Variants in SGMS1 observed in about 807,000 individuals in gnomAD.
The protein encoded by SGMS1 is phosphatidylcholine:ceramide cholinephosphotransferase 1.
In SGMS1, 13 loss-of-function variants were observed where a neutral mutation model predicts 46.2. The ratio of observed to expected loss-of-function variants is 0.28; its 90% CI spans 0.18 to 0.45. The LOEUF (loss-of-function observed/expected upper bound fraction) is 0.45. SGMS1 is among the 20% of genes least tolerant of loss of function. The probability of loss-of-function intolerance (pLI) is 1.00; values close to 1 mark genes in which losing one functional copy is unlikely to be tolerated. For missense variants in SGMS1, 324 were observed against 519.9 expected, an observed-to-expected ratio of 0.62 and a Z score of 3.66; for synonymous variants, 203 against 187.8, an observed-to-expected ratio of 1.08 and a Z score of -0.66.
chr10:50,440,796 G>A (rs1429870635), intron 5 of SGMS1, among the ~76,000 whole-genome samples: 2 of 152,128 alleles, frequency 1.3e-5, no homozygotes, highest in East Asian at 3.9e-4. Flanking sequence ...GTTTGTTCTT[G>A]TAGAGGCAGG....
intron 1 of SGMS1, among the ~76,000 whole-genome samples, chr10:50,622,714 G>T (rs1838865389): frequency 6.6e-6 from 1 of 152,186 alleles, no homozygotes; most frequent in Non-Finnish European, 1.5e-5. Context: ...GATTCTCTTC[G>T]CTCCCTCCGG....
intron 3 of SGMS1, among the ~76,000 whole-genome samples, chr10:50,496,900 C>T (rs763524028): frequency 3.2e-4 from 49 of 152,202 alleles, no homozygotes; most frequent in African/African-American, 1.1e-3. Flanking sequence ...CCAAGTAGTC[C>T]TCCATGCATG....
intron 4 of SGMS1, among the ~76,000 whole-genome samples, chr10:50,463,462 A>G (rs561961642): frequency 5.0e-4 from 76 of 152,334 alleles, no homozygotes; most frequent in Non-Finnish European, 8.7e-4. Flanking sequence ...CAAAACCACA[A>G]TGAGATATCA....
At chr10:50,564,388 C>T (rs559411950) in intron 2 of SGMS1, among the ~76,000 whole-genome samples, 41 of 152,254 alleles carry the variant, frequency 2.7e-4, no homozygotes, top group African/African-American at 8.7e-4. Flanking sequence ...TTAAACTGCG[C>T]GACATTGTTT....
At chr10:50,457,750 C>T (rs1837210997) in intron 5 of SGMS1, among the ~76,000 whole-genome samples, 1 of 152,100 alleles carries the variant, frequency 6.6e-6, no homozygotes, top group African/African-American at 2.4e-5. Context: ...TGATTTCATT[C>T]TTTTTTATGG....
intron 6 of SGMS1, among the ~76,000 whole-genome samples, chr10:50,356,795 T>C (rs1056139102): frequency 2.6e-5 from 4 of 152,044 alleles, no homozygotes; most frequent in African/African-American, 9.7e-5. Flanking sequence ...GGAACCATCA[T>C]TCTCAGCAAA....
chr10:50,415,136 G>T (rs922551571), intron 6 of SGMS1, among the ~76,000 whole-genome samples: 1 of 152,164 alleles, frequency 6.6e-6, no homozygotes, highest in African/African-American at 2.4e-5. Flanking sequence ...ATAACAAAAC[G>T]AAATGTTCTG....
At chr10:50,604,373 A>G (rs1324011993) in intron 1 of SGMS1, among the ~76,000 whole-genome samples, 1 of 152,206 alleles carries the variant, frequency 6.6e-6, no homozygotes, top group Non-Finnish European at 1.5e-5. Context: ...AAGAAGAACT[A>G]TTAGGAAGAT....
intron 2 of SGMS1, among the ~76,000 whole-genome samples, chr10:50,582,640 G>A (rs748330611): frequency 2.0e-5 from 3 of 152,144 alleles, no homozygotes; most frequent in Non-Finnish European, 2.9e-5. Context: ...GCATGTGCCC[G>A]GCAGGATGGA....
chr10:50,306,696 G>C lies in SGMS1; in HGVS notation c.*446C>G, dbSNP rs1430860382. On this transcript the variant is annotated 3_prime_UTR_variant, in exon 11 of 11. Transcript: ENST00000361781. ...GAATCAAACCCCATTCAGGTACTTA[G>C]AAACCTTCATAGAGACATTTGCTAG... is the stretch of plus-strand genomic sequence containing the variant. 6.5e-6 allele frequency: 1 copy of C among 153,146 alleles called. No homozygotes were observed. The highest frequency in any genetic ancestry group is 6.5e-5 in the Admixed American group (1 of 15,294). The allele number at this position is 153,146 out of a possible 1,614,324, so 9.5% of individuals were successfully genotyped here. A position where few individuals can be genotyped will look rare whatever the true frequency, so the allele number is the denominator to read the frequency against.
At chr10:50,624,458 C>T (rs564805932), upstream of SGMS1, 17 of 479,138 alleles carry the variant, frequency 3.5e-5, no homozygotes, top group East Asian at 7.6e-4. Flanking sequence ...CATTTTCAAA[C>T]CTCTAACCAT....
intron 2 of SGMS1, among the ~76,000 whole-genome samples, chr10:50,540,481 A>G (rs931210213): frequency 2.6e-5 from 4 of 152,236 alleles, no homozygotes; most frequent in Non-Finnish European, 5.9e-5. Flanking sequence ...TATGCCAGCC[A>G]CTAGACATAT....
chr10:50,415,631 T>C (rs1849159466), intron 6 of SGMS1, among the ~76,000 whole-genome samples: 2 of 152,138 alleles, frequency 1.3e-5, no homozygotes, highest in South Asian at 2.1e-4. Flanking sequence ...TGGTATTTCA[T>C]GGTCTTCGAT....
intron 6 of SGMS1, among the ~76,000 whole-genome samples, chr10:50,360,656 G>A (rs1315515530): frequency 6.6e-6 from 1 of 152,170 alleles, no homozygotes; most frequent in Non-Finnish European, 1.5e-5. Flanking sequence ...CAAGAATGGA[G>A]GACCTAATCA....
chr10:50,397,655 T>A (rs767553005), intron 6 of SGMS1, among the ~76,000 whole-genome samples: 1 of 152,222 alleles, frequency 6.6e-6, no homozygotes, highest in Non-Finnish European at 1.5e-5. Context: ...TGCTATATAT[T>A]GCTTTGGTTT....
intron 3 of SGMS1, among the ~76,000 whole-genome samples, chr10:50,503,972 G>A (rs7075289): frequency 0.54 from 82,508 of 152,098 alleles, 22,549 homozygotes; most frequent in Admixed American, 0.65. Context: ...AGTGATTTAC[G>A]CTGACTGACA....
intron 3 of SGMS1, among the ~76,000 whole-genome samples, chr10:50,481,290 T>C (rs1000120609): frequency 3.9e-5 from 6 of 152,184 alleles, no homozygotes; most frequent in South Asian, 2.1e-4. Context: ...CCAGCTGGCA[T>C]CAGGTCAGTG....
chr10:50,519,080 A>C (rs1837834735), intron 3 of SGMS1, among the ~76,000 whole-genome samples: 1 of 152,132 alleles, frequency 6.6e-6, no homozygotes. Flanking sequence ...ATCTTACAAC[A>C]TAACAGGGCA....
At chr10:50,595,031 G>A (rs1304794122) in intron 1 of SGMS1, among the ~76,000 whole-genome samples, 1 of 152,136 alleles carries the variant, frequency 6.6e-6, no homozygotes. Flanking sequence ...TTACTCCAGA[G>A]CCCATATTCT....
Sources: allele counts gnomAD v4.1 joint callset (sites outside exome capture counted in the v4.1 genomes callset), GRCh38; gene constraint gnomAD v4.1.1; transcripts MANE v1.5; gene names NCBI Gene and HGNC (gene_info 2026-07-23, HGNC 2026-07-21).